Variants in CCDC7 observed in about 807,000 individuals in gnomAD.
CCDC7 encodes coiled-coil domain containing 7, also known as coiled-coil domain-containing protein 7.
Under a neutral mutation model 196.9 loss-of-function variants are expected in CCDC7, and 183 were observed. That is an observed-to-expected ratio of 0.93 (90% confidence interval 0.82 to 1.05). The LOEUF is 1.05. CCDC7 is among the 50% of genes least tolerant of loss of function. The pLI is 0.00. For missense variants in CCDC7, 1,540 were observed against 1,482.2 expected, an observed-to-expected ratio of 1.04 and a Z score of -0.64; for synonymous variants, 525 against 484.6, an observed-to-expected ratio of 1.08 and a Z score of -1.10.
At chr10:32,610,697 G>A (rs1355016409) in intron 18 of CCDC7, among the ~76,000 whole-genome samples, 1 of 152,060 alleles carries the variant, frequency 6.6e-6, no homozygotes, top group African/African-American at 2.4e-5. Context: ...CCTGTGTTAG[G>A]TTGCTGAGAA....
intron 21 of CCDC7, among the ~76,000 whole-genome samples, chr10:32,674,235 G>A (rs948335425): frequency 6.6e-6 from 1 of 151,212 alleles, no homozygotes; most frequent in African/African-American, 2.4e-5. Context: ...CTTTCCTTAT[G>A]GTACTGCTTT....
At chr10:32,682,006 A>G (rs1001419434) in intron 21 of CCDC7, among the ~76,000 whole-genome samples, 1 of 152,022 alleles carries the variant, frequency 6.6e-6, no homozygotes, top group African/African-American at 2.4e-5. Context: ...CAATTGTATC[A>G]GCATCATTAT....
chr10:32,584,316 C>G lies in CCDC7; in HGVS notation c.1801+12C>G, dbSNP rs1439982462. On this transcript the variant is annotated intron_variant, in intron 18 of 41. Transcript: ENST00000639629. Reference sequence around the variant, plus strand: ...AGAAAAATCTCAAGGTAAAAAGACTCTGTTTTGGAAGATGAAAATGTGATT... The same window carrying G: ...AGAAAAATCTCAAGGTAAAAAGACTGTGTTTTGGAAGATGAAAATGTGATT... 2.6e-6 allele frequency: 4 copies of G among 1,556,712 alleles called. No homozygotes were observed. In the Admixed American group the frequency reaches 5.1e-5, roughly 20 times the overall value.
intron 11 of CCDC7, among the ~76,000 whole-genome samples, chr10:32,526,111 A>G (rs532604956): frequency 2.3e-4 from 35 of 152,176 alleles, no homozygotes; most frequent in Non-Finnish European, 4.0e-4. Flanking sequence ...TGCTATGGCT[A>G]AGCTGGAACT....
In CCDC7 at chr10:32,712,051, G is replaced by T. The variant is rs140352241; in HGVS notation, c.2569+321G>T. 3.9e-4 allele frequency among the ~76,000 whole-genome samples: 59 copies of T among 152,236 alleles called. No individual in the cohort carries two copies. The East Asian group carries it at 0.01, about 27-fold the overall frequency. ...TTATGGGCACCTCTGATCTGTTGTA[G>T]TCCCAGTCAGTAGGCAGAAGTATTG... On this transcript the variant is annotated intron_variant, in intron 25 of 41. Transcript: ENST00000639629.
chr10:32,687,772 A>G (rs1322150943), intron 22 of CCDC7, among the ~76,000 whole-genome samples: 1 of 152,196 alleles, frequency 6.6e-6, no homozygotes, highest in Non-Finnish European at 1.5e-5. Flanking sequence ...ACTTCTGGGT[A>G]AACACAGACC....
In CCDC7 at chr10:32,560,260, C is replaced by A. The variant is rs556170175; in HGVS notation, c.1135-5298C>A. ...TGGAAAACACTCTGCAAGATATTAT[C>A]CAGGAGAACTTCCCCAATCTAGCAA... On this transcript the variant is annotated intron_variant, in intron 13 of 41. Transcript: ENST00000639629. 1.6e-3 allele frequency among the ~76,000 whole-genome samples: 241 copies of A among 152,296 alleles called. 2 individuals carry two copies. The highest frequency in any genetic ancestry group is 4.3e-3 in the African/African-American group (177 of 41,560).
At chr10:32,806,106 C>T (rs1159370325) in intron 30 of CCDC7, among the ~76,000 whole-genome samples, 1 of 152,206 alleles carries the variant, frequency 6.6e-6, no homozygotes, top group Non-Finnish European at 1.5e-5. Context: ...AAACACGTCC[C>T]ACCTCCAACA....
chr10:32,808,204 C>A (rs1284621849), intron 30 of CCDC7, among the ~76,000 whole-genome samples: 1 of 152,178 alleles, frequency 6.6e-6, no homozygotes, highest in Non-Finnish European at 1.5e-5. Context: ...ATTGGGGGAT[C>A]TGAGAACCAG....
intron 24 of CCDC7, among the ~76,000 whole-genome samples, chr10:32,700,420 GT>G (rs2078490460): frequency 6.7e-6 from 1 of 150,260 alleles, no homozygotes; most frequent in African/African-American, 2.5e-5. Flanking sequence ...CTATATCTCT[GT>G]TTTGGTACCA....
At chr10:32,498,477 C>G (rs56133642) in intron 9 of CCDC7, among the ~76,000 whole-genome samples, 1 of 152,076 alleles carries the variant, frequency 6.6e-6, no homozygotes, top group Admixed American at 6.5e-5. Context: ...TTCATAGCAT[C>G]GATGGTCTTT....
At chr10:32,642,945 A>T (rs2139932395) in intron 20 of CCDC7, among the ~76,000 whole-genome samples, 1 of 152,374 alleles carries the variant, frequency 6.6e-6, no homozygotes, top group South Asian at 2.1e-4. Context: ...TTATTAAATT[A>T]TTTTAAATTA....
chr10:32,747,411 T>C (rs1245246503), intron 28 of CCDC7, among the ~76,000 whole-genome samples: 1 of 151,964 alleles, frequency 6.6e-6, no homozygotes, highest in Non-Finnish European at 1.5e-5. Context: ...AAAGAAACTA[T>C]CAACAGAGTA....
chr10:32,457,099 T>C (rs2034526776), intron 3 of CCDC7, among the ~76,000 whole-genome samples: 1 of 151,890 alleles, frequency 6.6e-6, no homozygotes, highest in Admixed American at 6.6e-5. Flanking sequence ...ATTTCTCCTA[T>C]CTAGCTGTAA....
intron 21 of CCDC7, among the ~76,000 whole-genome samples, chr10:32,684,149 G>A (rs576826341): frequency 2.4e-4 from 36 of 152,258 alleles, no homozygotes; most frequent in African/African-American, 8.4e-4. Context: ...GCTTTGCTTG[G>A]CAAGGTGCCC....
At chr10:32,632,170 G>C (rs1477913389) in intron 18 of CCDC7, among the ~76,000 whole-genome samples, 1 of 146,840 alleles carries the variant, frequency 6.8e-6, no homozygotes, top group Non-Finnish European at 1.5e-5. Flanking sequence ...TCTCTGGCTA[G>C]AAACTCCATT....
chr10:32,700,048 C>G (rs2078410054), intron 24 of CCDC7, among the ~76,000 whole-genome samples: 1 of 149,500 alleles, frequency 6.7e-6, no homozygotes. Flanking sequence ...TGCAGAAGCT[C>G]TTCAGTTTAA....
Position 32,470,955 on chromosome 10 carries a change from GA to G in CCDC7, c.511-104del, listed in dbSNP as rs2037820557. On this transcript the variant is annotated intron_variant, in intron 5 of 41. Transcript: ENST00000639629. The stretch of plus-strand genomic sequence containing the variant: ...ATTACTTGGCTATAGCTATAGATAA[GA>G]AAAATATAAAAATTACTTTGATTTA... 3 of 1,119,332 alleles carry G rather than the reference GA, an allele frequency of 2.7e-6. No homozygotes were observed. In the East Asian group the frequency reaches 8.3e-5, roughly 31 times the overall value. The allele number at this position is 1,119,332 out of a possible 1,614,324, so 69.3% of individuals were successfully genotyped here. A position where few individuals can be genotyped will look rare whatever the true frequency, so the allele number is the denominator to read the frequency against.
intron 41 of CCDC7, among the ~76,000 whole-genome samples, chr10:32,874,453 A>G (rs776197719): frequency 4.6e-5 from 7 of 151,378 alleles, no homozygotes; most frequent in Non-Finnish European, 8.8e-5. Flanking sequence ...TCCCCTTCTG[A>G]GCCTCCAGTG....
Sources: gnomAD v4.1 joint callset for allele counts (sites outside exome capture counted in the v4.1 genomes callset) on GRCh38, gnomAD v4.1.1 for gene constraint, MANE v1.5 for transcripts, NCBI Gene and HGNC (gene_info 2026-07-23, HGNC 2026-07-21) for gene names.